EYS: variants seen among roughly 807,000 people sequenced by gnomAD.
The protein encoded by EYS is EGF-like photoreceptor maintenance factor.
Under a neutral mutation model 282.1 loss-of-function variants are expected in EYS, and 250 were observed. The ratio of observed to expected loss-of-function variants is 0.89; its 90% CI spans 0.80 to 0.98. The LOEUF (loss-of-function observed/expected upper bound fraction) is 0.98. Ranked by LOEUF, EYS falls within the 50% of genes least tolerant of loss-of-function variation. The pLI is 0.00. For synonymous variants in EYS, 1,355 were observed against 1,282.9 expected, an observed-to-expected ratio of 1.06 and a Z score of -1.20; for missense variants, 4,016 against 3,709.0, an observed-to-expected ratio of 1.08 and a Z score of -2.15.
chr6:64,818,969 C>T (rs12661797), intron 21 of EYS, among the ~76,000 whole-genome samples: 5,059 of 152,238 alleles, frequency 0.033, 220 homozygotes, highest in East Asian at 0.24. Flanking sequence ...CCAGCCCTAA[C>T]ATAAACTATA....
chr6:64,432,383 G>T (rs1388627645), intron 28 of EYS, among the ~76,000 whole-genome samples: 2 of 151,902 alleles, frequency 1.3e-5, no homozygotes, highest in African/African-American at 2.4e-5. Flanking sequence ...GGTCAGAAAA[G>T]CCTAACTTAA....
intron 14 of EYS, among the ~76,000 whole-genome samples, chr6:64,986,468 T>G (rs980615660): frequency 6.7e-6 from 1 of 149,254 alleles, no homozygotes; most frequent in East Asian, 2.0e-4. Context: ...TGGAAGATCC[T>G]TTAAGATGTA....
chr6:65,412,299 G>C (rs141739555), intron 5 of EYS, among the ~76,000 whole-genome samples: 2 of 152,042 alleles, frequency 1.3e-5, no homozygotes, highest in African/African-American at 2.4e-5. Context: ...CACAAATAAA[G>C]CTACCACGAA....
chr6:65,338,618 C>T (rs570528947), intron 10 of EYS, among the ~76,000 whole-genome samples: 2 of 150,886 alleles, frequency 1.3e-5, no homozygotes, highest in Admixed American at 1.3e-4. Flanking sequence ...ACAAAAACCT[C>T]AATATTACAA....
chr6:65,255,988 C>T (rs1767449679), intron 12 of EYS, among the ~76,000 whole-genome samples: 1 of 152,004 alleles, frequency 6.6e-6, no homozygotes, highest in Admixed American at 6.6e-5. Context: ...TCCAGCAATC[C>T]TGTGCTGGAT....
At chr6:63,910,859 T>C (rs1773894941) in intron 35 of EYS, among the ~76,000 whole-genome samples, 1 of 152,176 alleles carries the variant, frequency 6.6e-6, no homozygotes, top group African/African-American at 2.4e-5. Context: ...TTGTGTGATT[T>C]ATTGGCTTGA....
intron 19 of EYS, among the ~76,000 whole-genome samples, chr6:64,884,333 G>A (rs1218173505): frequency 6.6e-6 from 1 of 151,250 alleles, no homozygotes; most frequent in African/African-American, 2.4e-5. Flanking sequence ...TTTTTCTGAT[G>A]GAGCAAAGCT....
At chr6:64,095,280 C>G (rs188484486) in intron 31 of EYS, among the ~76,000 whole-genome samples, 1 of 152,080 alleles carries the variant, frequency 6.6e-6, no homozygotes, top group South Asian at 2.1e-4. Context: ...CCATTTGGTG[C>G]GGAGTTGAGT....
chr6:65,488,700 G>C (rs949080495), intron 5 of EYS, among the ~76,000 whole-genome samples: 1 of 152,058 alleles, frequency 6.6e-6, no homozygotes, highest in Non-Finnish European at 1.5e-5. Flanking sequence ...CAAAGCTGGA[G>C]GTATCATGCT....
At chr6:63,834,190 A>G (rs991378502) in intron 36 of EYS, among the ~76,000 whole-genome samples, 1 of 152,220 alleles carries the variant, frequency 6.6e-6, no homozygotes, top group Non-Finnish European at 1.5e-5. Flanking sequence ...CAATGGCAAC[A>G]GAAGCAAAAA....
intron 30 of EYS, among the ~76,000 whole-genome samples, chr6:64,242,843 T>C (rs1228586946): frequency 1.4e-5 from 2 of 147,066 alleles, no homozygotes; most frequent in Non-Finnish European, 3.0e-5. Context: ...AATATAAATA[T>C]ATAAAAATTA....
intron 11 of EYS, chr6:65,303,120 C>G: frequency 1.3e-6 from 1 of 769,864 alleles, no homozygotes; most frequent in East Asian, 2.7e-5. Context: ...GTCCGGAAAC[C>G]TGCAGTCAAT....
At chr6:65,267,235 TA>T (rs1204752932) in intron 12 of EYS, among the ~76,000 whole-genome samples, 1 of 151,946 alleles carries the variant, frequency 6.6e-6, no homozygotes, top group East Asian at 1.9e-4. Flanking sequence ...CTCAGTTATA[TA>T]ATATTTTTCT....
intron 12 of EYS, among the ~76,000 whole-genome samples, chr6:65,263,135 G>A (rs963855336): frequency 6.6e-6 from 1 of 152,042 alleles, no homozygotes; most frequent in African/African-American, 2.4e-5. Context: ...GAACCCAGGA[G>A]TTCCAGACCA....
intron 30 of EYS, among the ~76,000 whole-genome samples, chr6:64,231,224 T>C (rs1766417294): frequency 6.6e-6 from 1 of 152,162 alleles, no homozygotes; most frequent in Admixed American, 6.5e-5. Flanking sequence ...TGTGCATTCA[T>C]TAGTCTGACT....
chr6:64,546,126 A>G (rs920235442), intron 26 of EYS, among the ~76,000 whole-genome samples: 3 of 152,232 alleles, frequency 2.0e-5, no homozygotes, highest in Admixed American at 6.5e-5. Flanking sequence ...AAACTATACT[A>G]CAAGGGTACA....
chr6:64,121,374 C>A (rs1282501678), intron 31 of EYS, among the ~76,000 whole-genome samples: 1 of 152,146 alleles, frequency 6.6e-6, no homozygotes, highest in Admixed American at 6.5e-5. Context: ...CAGTGATATA[C>A]ATATTATTTC....
intron 26 of EYS, among the ~76,000 whole-genome samples, chr6:64,585,010 G>T (rs1449968416): frequency 6.6e-6 from 1 of 152,036 alleles, no homozygotes; most frequent in Non-Finnish European, 1.5e-5. Context: ...TTACTAAAAA[G>T]ACACATACAT....
At chr6:64,813,974 G>A (rs1191061550) in intron 21 of EYS, among the ~76,000 whole-genome samples, 6 of 151,804 alleles carry the variant, frequency 4.0e-5, no homozygotes, top group Non-Finnish European at 7.4e-5. Context: ...GCTCTCCTAC[G>A]GTAATGATTA....
Sources: allele counts gnomAD v4.1 joint callset (sites outside exome capture counted in the v4.1 genomes callset), GRCh38; gene constraint gnomAD v4.1.1; transcripts MANE v1.5; gene names NCBI Gene and HGNC (gene_info 2026-07-23, HGNC 2026-07-21).